The following NELL2 variants were observed in gnomAD, a reference collection of about 807,000 sequenced individuals.
NELL2 encodes neural EGFL like 2.
Under a neutral mutation model 109.6 loss-of-function variants are expected in NELL2, and 41 were observed. The ratio of observed to expected loss-of-function variants is 0.37; its 90% CI spans 0.29 to 0.49. NELL2 has a LOEUF of 0.49. Ranked by LOEUF, NELL2 falls within the 20% of genes least tolerant of loss-of-function variation. The pLI is 0.98. For missense variants in NELL2, 900 were observed against 1,008.3 expected (o/e 0.89, Z 1.45); for synonymous variants, 355 against 344.7 (o/e 1.03, Z -0.33).
chr12:44,775,180 C>T (rs116538028), intron 8 of NELL2, among the ~76,000 whole-genome samples: 2,045 of 148,520 alleles, frequency 0.014, 45 homozygotes, highest in African/African-American at 0.051. Flanking sequence ...AGGAACATAT[C>T]ATGTTCCTGA....
rs368349012 is a variant in NELL2, at chr12:44,537,546, A to G, written c.1664-4825T>C. Among the ~76,000 whole-genome samples the G allele has an allele frequency of 6.0e-4, 92 of 152,178 alleles. 3 individuals carry two copies. The South Asian group carries it at 0.019, about 31-fold the overall frequency. Reference sequence around the variant, plus strand: ...TTATCATTAATAAAAATATGACATCATTTCTCATTTAAAAATAGGCACTTG... The same window carrying G: ...TTATCATTAATAAAAATATGACATCGTTTCTCATTTAAAAATAGGCACTTG... On this transcript the variant is annotated intron_variant, in intron 15 of 19. Transcript: ENST00000429094.
At chr12:44,560,673 T>C (rs141515628) in intron 15 of NELL2, among the ~76,000 whole-genome samples, 5 of 152,190 alleles carry the variant, frequency 3.3e-5, no homozygotes, top group African/African-American at 9.6e-5. Flanking sequence ...AGGTCTGAAA[T>C]TGACGTAGTA....
chr12:44,914,290 G>A (rs1216003791), upstream of NELL2, among the ~76,000 whole-genome samples: 1 of 152,040 alleles, frequency 6.6e-6, no homozygotes, highest in Non-Finnish European at 1.5e-5. Context: ...TCCTTCCCTT[G>A]TTCCATTTCA....
chr12:44,877,146 T>G (rs916493289), upstream of NELL2: 133 of 149,622 alleles, frequency 8.9e-4, no homozygotes, highest in Middle Eastern at 6.8e-3. Flanking sequence ...AGGAGATGGT[T>G]AGAGAGAGAG....
chr12:44,878,766 C>T (rs1359423201), upstream of NELL2, among the ~76,000 whole-genome samples: 1 of 152,174 alleles, frequency 6.6e-6, no homozygotes, highest in East Asian at 1.9e-4. Context: ...TTGTAGTTGT[C>T]TTATGTATTA....
At chr12:44,625,477 T>A (rs2136277796) in intron 13 of NELL2, among the ~76,000 whole-genome samples, 1 of 152,246 alleles carries the variant, frequency 6.6e-6, no homozygotes, top group East Asian at 1.9e-4. Context: ...AACATATTAT[T>A]TATCATTGCC....
intron 14 of NELL2, among the ~76,000 whole-genome samples, chr12:44,608,916 G>T (rs886621164): frequency 6.7e-6 from 1 of 149,412 alleles, no homozygotes; most frequent in Non-Finnish European, 1.5e-5. Flanking sequence ...ATATATATAT[G>T]TATATATATA....
chr12:44,607,025 C>G, intron 15 of NELL2, 144 bp downstream of exon 15: 1 of 632,306 alleles, frequency 1.6e-6, no homozygotes, highest in Non-Finnish European at 2.6e-6. Context: ...CTGAAACTTC[C>G]CACCTCCTCC....
chr12:44,823,610 A>G (rs765789517), intron 2 of NELL2, among the ~76,000 whole-genome samples: 8 of 152,200 alleles, frequency 5.3e-5, no homozygotes, highest in Non-Finnish European at 1.2e-4. Flanking sequence ...TTGTGTGTAT[A>G]TACCAATATT....
intron 13 of NELL2, among the ~76,000 whole-genome samples, chr12:44,644,580 G>GTATATATATCTATATA (rs1946988931): frequency 1.2e-5 from 1 of 84,394 alleles, no homozygotes; most frequent in Non-Finnish European, 2.3e-5. Flanking sequence ...ACAAAGTAAA[G>GTATATATATCTATATA]TATATATATA....
intron 9 of NELL2, among the ~76,000 whole-genome samples, chr12:44,763,058 T>A (rs1014254038): frequency 1.3e-5 from 2 of 152,194 alleles, no homozygotes; most frequent in Admixed American, 1.3e-4. Flanking sequence ...AATTCTTACA[T>A]CCCATTTCAT....
In NELL2 at chr12:44,716,607, C is replaced by T. The variant is rs117471013; in HGVS notation, c.995-1866G>A. Reference sequence around the variant, plus strand: ...CTCAGTAACCTCAACATACCAAGACCTAGCATATTGCATGTTTAATTATAC... The same window carrying T: ...CTCAGTAACCTCAACATACCAAGACTTAGCATATTGCATGTTTAATTATAC... On this transcript the variant is annotated intron_variant, in intron 9 of 19. Coordinates refer to ENST00000429094, the MANE Select transcript of NELL2 (RefSeq NM_001145108.2). Among the ~76,000 whole-genome samples the T allele has an allele frequency of 1.2e-3, 185 of 152,074 alleles. 3 individuals carry two copies. In the East Asian group the frequency reaches 0.026, roughly 22 times the overall value.
At chr12:44,584,170 A>G (rs1387503837) in intron 15 of NELL2, among the ~76,000 whole-genome samples, 2 of 152,240 alleles carry the variant, frequency 1.3e-5, no homozygotes, top group African/African-American at 4.8e-5. Flanking sequence ...AACTCTTATC[A>G]TTAAGGTAGT....
chr12:44,835,624 C>T (rs1345201781), intron 2 of NELL2, among the ~76,000 whole-genome samples: 1 of 152,180 alleles, frequency 6.6e-6, no homozygotes, highest in African/African-American at 2.4e-5. Flanking sequence ...AGGATCTTGT[C>T]CTAATGTTTA....
chr12:44,678,560 T>G (rs2122530), intron 12 of NELL2, among the ~76,000 whole-genome samples: 24,557 of 151,952 alleles, frequency 0.16, 2,060 homozygotes, highest in East Asian at 0.21. Context: ...AGGTATTTTC[T>G]TGGCTGAATA....
intron 1 of NELL2, among the ~76,000 whole-genome samples, chr12:44,893,857 T>G (rs1244449538): frequency 2.0e-5 from 3 of 152,236 alleles, no homozygotes; most frequent in African/African-American, 7.2e-5. Flanking sequence ...CCAAACCATC[T>G]GTGGCAACAG....
intron 9 of NELL2, among the ~76,000 whole-genome samples, chr12:44,720,192 G>A (rs1009959461): frequency 6.6e-6 from 1 of 152,068 alleles, no homozygotes; most frequent in East Asian, 1.9e-4. Flanking sequence ...CTAGTGAGTT[G>A]TACACTTTTT....
intron 13 of NELL2, among the ~76,000 whole-genome samples, chr12:44,657,045 T>C (rs1178179367): frequency 1.3e-5 from 2 of 152,230 alleles, no homozygotes; most frequent in Non-Finnish European, 2.9e-5. Flanking sequence ...GAAAGGGGCA[T>C]GCATGGGTTA....
At chr12:44,584,903 C>G (rs1193187214) in intron 15 of NELL2, among the ~76,000 whole-genome samples, 1 of 152,210 alleles carries the variant, frequency 6.6e-6, no homozygotes, top group Non-Finnish European at 1.5e-5. Flanking sequence ...AGTGCTATTG[C>G]TTGTGGAGCA....
Sources: gnomAD v4.1 joint callset for allele counts (sites outside exome capture counted in the v4.1 genomes callset) on GRCh38, gnomAD v4.1.1 for gene constraint, MANE v1.5 for transcripts, NCBI Gene and HGNC (gene_info 2026-07-23, HGNC 2026-07-21) for gene names.